The following NRXN1 variants were observed in gnomAD, a reference collection of about 807,000 sequenced individuals.
NRXN1 encodes neurexin 1, also known as neurexin-1.
A neutral mutation model predicts 150.9 loss-of-function variants in NRXN1; 39 were observed. That is an observed-to-expected ratio of 0.26 (90% CI 0.20 to 0.34). NRXN1 has a LOEUF of 0.34. Among genes scored for constraint, NRXN1 ranks in the 10% least tolerant of loss-of-function variants. The pLI, the probability that NRXN1 is intolerant of heterozygous loss-of-function variation, is 1.00. For missense variants in NRXN1, 1,815 were observed against 1,949.9 expected (o/e 0.93, Z 1.30); for synonymous variants, 924 against 757.0 (o/e 1.22, Z -3.62).
At chr2:50,356,436 G>C (rs933057879) in intron 17 of NRXN1, among the ~76,000 whole-genome samples, 1 of 152,106 alleles carries the variant, frequency 6.6e-6, no homozygotes, top group Non-Finnish European at 1.5e-5. Flanking sequence ...AGAAATATAT[G>C]ACCTCTGAGG....
chr2:50,170,290 T>C (rs914188033), intron 18 of NRXN1, among the ~76,000 whole-genome samples: 3 of 150,554 alleles, frequency 2.0e-5, no homozygotes, highest in African/African-American at 7.3e-5. Context: ...ACATTTTGTT[T>C]TGTTTTGTTT....
At chr2:50,243,393 C>A in intron 17 of NRXN1, among the ~76,000 whole-genome samples, 1 of 151,618 alleles carries the variant, frequency 6.6e-6, no homozygotes, top group Admixed American at 6.6e-5. Context: ...AAACTCTAGG[C>A]TAAAGCATTT....
At chr2:50,868,697 T>C (rs1424805837) in intron 5 of NRXN1, among the ~76,000 whole-genome samples, 1 of 151,902 alleles carries the variant, frequency 6.6e-6, no homozygotes, top group Non-Finnish European at 1.5e-5. Context: ...TTAAACTTGA[T>C]ATTAAAAATT....
chr2:50,921,327 T>C (rs554842433), intron 5 of NRXN1, among the ~76,000 whole-genome samples: 2 of 151,954 alleles, frequency 1.3e-5, no homozygotes, highest in African/African-American at 2.4e-5. Flanking sequence ...AAAGTTAGTA[T>C]GCATAAAAAG....
intron 11 of NRXN1, 159 bp from the exon 12 acceptor site, chr2:50,528,810 T>G: frequency 2.0e-6 from 1 of 510,296 alleles, no homozygotes; most frequent in South Asian, 3.3e-5. Context: ...CCCAGATGTT[T>G]TGTTATAAAA....
At chr2:50,493,298 GA>G (rs967014183) in intron 15 of NRXN1, among the ~76,000 whole-genome samples, 1 of 151,790 alleles carries the variant, frequency 6.6e-6, no homozygotes, top group Non-Finnish European at 1.5e-5. Context: ...CATCCAGGTG[GA>G]AAAAAGAAAA....
At chr2:50,912,104 A>G (rs1684609455) in intron 5 of NRXN1, 1 of 151,878 alleles carries the variant, frequency 6.6e-6, no homozygotes, top group Non-Finnish European at 1.5e-5. Flanking sequence ...AAAAACAAAA[A>G]TCCTCACCAT....
At position 50,847,563 on chromosome 2, in the gene NRXN1, C is replaced by G. The variant is rs537465959; in HGVS notation, c.832+74306G>C. 2.6e-5 allele frequency among the ~76,000 whole-genome samples: 4 copies of G among 152,218 alleles called. No individual in the cohort carries two copies. The South Asian group carries it at 8.3e-4, about 32-fold the overall frequency. Reference sequence around the variant, plus strand: ...CAGGTGAGAACAGGCATTTCCTGCCCAAATGTTGCATTTCCCAAGACTACC... The same window carrying G: ...CAGGTGAGAACAGGCATTTCCTGCCGAAATGTTGCATTTCCCAAGACTACC... On this transcript the variant is annotated intron_variant, in intron 5 of 22. Transcript: ENST00000401669.
intron 5 of NRXN1, among the ~76,000 whole-genome samples, chr2:50,700,035 T>C (rs530338378): frequency 4.6e-5 from 7 of 152,290 alleles, no homozygotes; most frequent in African/African-American, 1.7e-4. Flanking sequence ...AAAAGATAAG[T>C]AGAAGAACTA....
chr2:50,314,308 A>G (rs2152967312), intron 17 of NRXN1, among the ~76,000 whole-genome samples: 1 of 152,068 alleles, frequency 6.6e-6, no homozygotes, highest in African/African-American at 2.4e-5. Flanking sequence ...TCAGAGGGGG[A>G]AAAATGAAGA....
intron 17 of NRXN1, among the ~76,000 whole-genome samples, chr2:50,316,337 A>T: frequency 6.6e-6 from 1 of 152,076 alleles, no homozygotes; most frequent in Non-Finnish European, 1.5e-5. Context: ...TGTATTGGGA[A>T]TAGTTAAGAT....
At chr2:50,425,243 A>G (rs192799045) in intron 17 of NRXN1, among the ~76,000 whole-genome samples, 1 of 152,346 alleles carries the variant, frequency 6.6e-6, no homozygotes, top group African/African-American at 2.4e-5. Context: ...AACAACTAGG[A>G]AACTAAGACT....
At position 50,142,477 on chromosome 2, in the gene NRXN1, C is replaced by T. The variant is rs145140403; in HGVS notation, c.3547-50983G>A. Among the ~76,000 whole-genome samples the T allele has an allele frequency of 5.0e-3, 755 of 151,884 alleles. 4 individuals carry two copies. Among genetic ancestry groups the T allele is most frequent in the African/African-American group, 0.016 (677 of 41,484 alleles). ...AAGAGAGGATTTGAAACATTCCCAACACATAAAAATGATAAAAGCTCAAGG... is the reference window on the plus strand; with the variant it reads ...AAGAGAGGATTTGAAACATTCCCAATACATAAAAATGATAAAAGCTCAAGG... On this transcript the variant is annotated intron_variant, in intron 18 of 22. Coordinates refer to ENST00000401669, the MANE Select transcript of NRXN1 (RefSeq NM_001330078.2).
Position 51,027,772 on chromosome 2 carries a change from T to C in NRXN1, c.502A>G (p.Lys168Glu). The C allele has an allele frequency of 6.2e-7, 1 of 1,612,496 alleles. No individual in the cohort carries two copies. ...LPPELRAAAL[K>E]LTLASVRERE... ...TCCCTCACCGAGGCCAGGGTGAGCT[T>C]GAGCGCCGCGGCGCGCAGTTCCGGG... is the stretch of plus-strand genomic sequence containing the variant. The change falls in exon 2 of 23, where the codon AAG becomes GAG. Residue 168 changes from lysine (K) to glutamate (E), a missense_variant. Around this residue, in one of 6 missense-constraint regions of NRXN1, gnomAD observed 554 missense variants for 478.8 expected, o/e 1.16. Coordinates refer to ENST00000401669, the MANE Select transcript of NRXN1 (RefSeq NM_001330078.2).
chr2:50,335,724 A>G (rs1353155713), intron 17 of NRXN1, among the ~76,000 whole-genome samples: 2 of 152,198 alleles, frequency 1.3e-5, no homozygotes, highest in Non-Finnish European at 2.9e-5. Context: ...TCTTGTTAAC[A>G]TCGTGTTGTC....
intron 5 of NRXN1, among the ~76,000 whole-genome samples, chr2:50,693,876 G>C (rs2104900490): frequency 6.6e-6 from 1 of 152,282 alleles, no homozygotes; most frequent in South Asian, 2.1e-4. Context: ...ATTGCAGCCT[G>C]AAACTCCTGG....
At chr2:50,118,442 A>G (rs1296040458) in intron 18 of NRXN1, among the ~76,000 whole-genome samples, 1 of 146,846 alleles carries the variant, frequency 6.8e-6, no homozygotes, top group Non-Finnish European at 1.5e-5. Context: ...TCCTGGTTTC[A>G]TAAGTGTTTT....
chr2:50,779,862 T>C (rs185148242), intron 5 of NRXN1, among the ~76,000 whole-genome samples: 81 of 152,372 alleles, frequency 5.3e-4, no homozygotes, highest in Non-Finnish European at 7.3e-5. Flanking sequence ...GAATGATTTA[T>C]AAACCCTTGG....
At chr2:50,679,349 T>A (rs1257475448) in intron 5 of NRXN1, among the ~76,000 whole-genome samples, 4 of 152,050 alleles carry the variant, frequency 2.6e-5, no homozygotes, top group African/African-American at 7.2e-5. Flanking sequence ...ACAAACAGGC[T>A]ACTCAGAATC....
Sources: allele counts gnomAD v4.1 joint callset (sites outside exome capture counted in the v4.1 genomes callset), GRCh38; gene constraint gnomAD v4.1.1; regional missense constraint gnomAD v4.1.1; transcripts MANE v1.5; gene names NCBI Gene and HGNC (gene_info 2026-07-23, HGNC 2026-07-21).